CCDC60: variants seen among roughly 807,000 people sequenced by gnomAD.
CCDC60 encodes coiled-coil domain containing 60.
Under a neutral mutation model 63.5 loss-of-function variants are expected in CCDC60, and 54 were observed. The observed-to-expected ratio is 0.85, with a 90% CI of 0.68 to 1.07. The LOEUF is 1.07. Ranked by LOEUF, CCDC60 falls within the 50% of genes least tolerant of loss-of-function variation. CCDC60 has a pLI of 0.00. For missense variants in CCDC60, 651 were observed against 684.3 expected (o/e 0.95, Z 0.54); for synonymous variants, 206 against 238.8 (o/e 0.86, Z 1.27).
intron 1 of CCDC60, among the ~76,000 whole-genome samples, chr12:119,399,062 T>A (rs1440532275): frequency 6.6e-6 from 1 of 152,158 alleles, no homozygotes; most frequent in Admixed American, 6.5e-5. Flanking sequence ...GGCCATGCAA[T>A]GCCAAAGGAA....
chr12:119,368,517 C>T (rs182627391), intron 1 of CCDC60, among the ~76,000 whole-genome samples: 1 of 152,290 alleles, frequency 6.6e-6, no homozygotes, highest in East Asian at 1.9e-4. Flanking sequence ...CAGGGGAACA[C>T]AGGGCGGTAC....
At chr12:119,415,371 G>C (rs1188991634) in intron 1 of CCDC60, among the ~76,000 whole-genome samples, 1 of 152,202 alleles carries the variant, frequency 6.6e-6, no homozygotes, top group East Asian at 1.9e-4. Context: ...GACACTTAAG[G>C]GAGGCTCACT....
chr12:119,440,593 A>G (rs1950424512), intron 2 of CCDC60, among the ~76,000 whole-genome samples: 1 of 152,166 alleles, frequency 6.6e-6, no homozygotes, highest in African/African-American at 2.4e-5. Flanking sequence ...ATTGACATTT[A>G]GTATGTGTTG....
intron 1 of CCDC60, among the ~76,000 whole-genome samples, chr12:119,379,409 A>G (rs1279718312): frequency 6.6e-6 from 1 of 152,236 alleles, no homozygotes; most frequent in African/African-American, 2.4e-5. Flanking sequence ...CCTTACTGCC[A>G]TCCATGAAGT....
At chr12:119,505,491 G>T (rs1452636045) in intron 7 of CCDC60, among the ~76,000 whole-genome samples, 188 bp downstream of exon 7, 1 of 152,140 alleles carries the variant, frequency 6.6e-6, no homozygotes, top group Non-Finnish European at 1.5e-5. Context: ...TCCATAACTT[G>T]GGTTGCCCCA....
At chr12:119,388,900 T>A (rs1956105713) in intron 1 of CCDC60, among the ~76,000 whole-genome samples, 1 of 152,186 alleles carries the variant, frequency 6.6e-6, no homozygotes, top group Non-Finnish European at 1.5e-5. Context: ...TGCACAAAAT[T>A]TCCTACTTTT....
chr12:119,517,874 C>A, intron 8 of CCDC60, among the ~76,000 whole-genome samples: 1 of 152,142 alleles, frequency 6.6e-6, no homozygotes, highest in East Asian at 1.9e-4. Context: ...TCTAAAAGCC[C>A]CAGAGAGCAC....
At chr12:119,500,444 A>G (rs1224351963) in intron 6 of CCDC60, among the ~76,000 whole-genome samples, 1 of 152,094 alleles carries the variant, frequency 6.6e-6, no homozygotes, top group South Asian at 2.1e-4. Flanking sequence ...CACCAGAAGG[A>G]AATGGACTCA....
At chr12:119,467,203 C>A (rs1488605782) in intron 2 of CCDC60, among the ~76,000 whole-genome samples, 5 of 152,218 alleles carry the variant, frequency 3.3e-5, no homozygotes, top group African/African-American at 1.2e-4. Flanking sequence ...TTTCTTCTAC[C>A]ACCAGCTCAC....
chr12:119,402,790 A>G (rs1310362576), intron 1 of CCDC60, among the ~76,000 whole-genome samples: 2 of 152,184 alleles, frequency 1.3e-5, no homozygotes, highest in Admixed American at 6.5e-5. Flanking sequence ...ATTTTGGTTT[A>G]GCCACAGAGA....
At chr12:119,539,580 G>A (rs903609689) in intron 13 of CCDC60, among the ~76,000 whole-genome samples, 10 of 152,188 alleles carry the variant, frequency 6.6e-5, no homozygotes, top group East Asian at 1.9e-4. Context: ...CTGTGCTGGC[G>A]GCAGGAATTT....
intron 1 of CCDC60, among the ~76,000 whole-genome samples, chr12:119,340,743 G>T (rs965320685): frequency 6.6e-6 from 1 of 152,276 alleles, no homozygotes; most frequent in East Asian, 1.9e-4. Context: ...CCAAATAGAA[G>T]AAATTGTGAC....
intron 3 of CCDC60, among the ~76,000 whole-genome samples, chr12:119,478,445 T>G (rs1163323290): frequency 6.6e-6 from 1 of 152,026 alleles, no homozygotes; most frequent in Non-Finnish European, 1.5e-5. Flanking sequence ...CTAAATATGG[T>G]ATTAAATTGC....
chr12:119,360,538 G>A (rs1372561010), intron 1 of CCDC60, among the ~76,000 whole-genome samples: 14 of 151,552 alleles, frequency 9.2e-5, no homozygotes, highest in Non-Finnish European at 1.8e-4. Flanking sequence ...TCTCAGACGG[G>A]GCGGCCGGGC....
intron 2 of CCDC60, 58 bp downstream of exon 2, chr12:119,428,820 TG>T: frequency 8.7e-7 from 1 of 1,155,104 alleles, no homozygotes; most frequent in East Asian, 2.4e-5. Context: ...GAGCAGGCTA[TG>T]GGGTGTTGCC....
At chr12:119,336,857 C>T (rs1236644770) in intron 1 of CCDC60, among the ~76,000 whole-genome samples, 1 of 152,166 alleles carries the variant, frequency 6.6e-6, no homozygotes, top group Non-Finnish European at 1.5e-5. Flanking sequence ...GTTAATGGTT[C>T]CTGTTTTTTA....
chr12:119,529,881 G>A (rs542292894), intron 12 of CCDC60, among the ~76,000 whole-genome samples: 1 of 152,198 alleles, frequency 6.6e-6, no homozygotes, highest in East Asian at 1.9e-4. Flanking sequence ...CAAATCTAAT[G>A]GTGGAATTTC....
chr12:119,397,240 A>G (rs191400409), intron 1 of CCDC60, among the ~76,000 whole-genome samples: 8 of 152,268 alleles, frequency 5.3e-5, no homozygotes, highest in African/African-American at 1.7e-4. Flanking sequence ...CAGCGAAAAA[A>G]CAACACTTCC....
chr12:119,506,653 A>C (rs1384139666), intron 7 of CCDC60, among the ~76,000 whole-genome samples: 1 of 151,984 alleles, frequency 6.6e-6, no homozygotes, highest in Non-Finnish European at 1.5e-5. Flanking sequence ...GGAATGGGGA[A>C]GGGAAGGAAA....
Sources: allele counts gnomAD v4.1 joint callset (sites outside exome capture counted in the v4.1 genomes callset), GRCh38; gene constraint gnomAD v4.1.1; transcripts MANE v1.5; gene names NCBI Gene and HGNC (gene_info 2026-07-23, HGNC 2026-07-21).